Variants in HTT observed in about 807,000 individuals in gnomAD.
HTT encodes huntington disease protein.
In HTT, 104 loss-of-function variants were observed where a neutral mutation model predicts 362.3. That is an observed-to-expected ratio of 0.29 (90% CI 0.24 to 0.34). The LOEUF is 0.34. Ranked by LOEUF, HTT falls within the 10% of genes least tolerant of loss-of-function variation. HTT has a pLI of 1.00. For synonymous variants in HTT, 1,577 were observed against 1,548.7 expected, an observed-to-expected ratio of 1.02 and a Z score of -0.43; for missense variants, 3,301 against 3,928.6, an observed-to-expected ratio of 0.84 and a Z score of 4.27.
At chr4:3,121,978 G>C (rs946341318) in intron 9 of HTT, among the ~76,000 whole-genome samples, 3 of 152,236 alleles carry the variant, frequency 2.0e-5, no homozygotes, top group Non-Finnish European at 4.4e-5. Context: ...GCTGCCTCCT[G>C]TGGCATTTTA....
In HTT at chr4:3,203,985, A is replaced by G. The variant is rs373690630; in HGVS notation, c.5577-22A>G. The G allele has an allele frequency of 1.5e-5, 24 of 1,611,546 alleles. No individual in the cohort carries two copies. The East Asian group carries it at 2.2e-4, about 15-fold the overall frequency. ...TCACTGCCATCCAGAAACATTGTCA[A>G]TGCATCTGTTGCTCCTTCTAGAAGA... is the stretch of plus-strand genomic sequence containing the variant. On this transcript the variant is annotated intron_variant, in intron 41 of 66. Transcript: ENST00000355072.
chr4:3,186,252 G>A (rs550219325), intron 37 of HTT, among the ~76,000 whole-genome samples: 3 of 152,260 alleles, frequency 2.0e-5, no homozygotes, highest in African/African-American at 7.2e-5. Flanking sequence ...AGGGACGCTT[G>A]GAAGACTGGT....
Position 3,180,518 on chromosome 4 carries a change from TACC to T in HTT, c.4617_4619del (p.Ile1539_Pro1540delinsMet). The T allele has an allele frequency of 6.2e-7, 1 of 1,601,876 alleles. No individual in the cohort carries two copies. The highest frequency in any genetic ancestry group is 8.5e-7 in the Non-Finnish European group (1 of 1,174,384). On this transcript the variant is annotated inframe_deletion, in exon 36 of 67. Coordinates refer to ENST00000355072, the MANE Select transcript of HTT (RefSeq NM_001388492.1). ...GGGTACCCTTTTGTCCCCACAGCCA[TACC>T]GGCTCTGCAGCCCATAGTCCACGAC...
chr4:3,142,438 A>G (rs1485724131), intron 22 of HTT, among the ~76,000 whole-genome samples: 3 of 152,128 alleles, frequency 2.0e-5, no homozygotes, highest in Admixed American at 6.5e-5. Context: ...GCCGTGGGAG[A>G]TGAGAAGTGG....
At chr4:3,203,749 T>TG (rs1208500232) in intron 41 of HTT, among the ~76,000 whole-genome samples, 1 of 152,244 alleles carries the variant, frequency 6.6e-6, no homozygotes, top group Non-Finnish European at 1.5e-5. Context: ...AGCTTTATGG[T>TG]GGATTTTGCT....
chr4:3,233,947 G>A (rs1721392827), intron 61 of HTT, among the ~76,000 whole-genome samples: 1 of 152,240 alleles, frequency 6.6e-6, no homozygotes, highest in South Asian at 2.1e-4. Context: ...GCAGAGATGG[G>A]CCCAGCCTCT....
intron 65 of HTT, 69 bp from the exon 66 acceptor site, chr4:3,238,749 C>T (rs1721662692): frequency 6.0e-6 from 7 of 1,168,660 alleles, no homozygotes; most frequent in South Asian, 4.6e-5. Flanking sequence ...CCACCCCCGC[C>T]ACCCAGGCGC....
chr4:3,145,787 A>G (rs966875091), intron 24 of HTT, among the ~76,000 whole-genome samples: 7 of 152,220 alleles, frequency 4.6e-5, no homozygotes, highest in African/African-American at 1.7e-4. Flanking sequence ...TTTGAGAAGT[A>G]AACCTGCAGA....
At position 3,187,812 on chromosome 4, in the gene HTT, G is replaced by T. The variant is rs762607326; in HGVS notation, c.5151G>T (p.Gly1717=). ...CAGTAATTAATAGGTTAAGAGATGG[G>T]GACAGTACTTCAACGCTAGAAGAAC... ...SCTVINRLRD[G]DSTSTLEEHS... is the part of the protein sequence containing the mutation. The change falls in exon 39 of 67, where the codon GGG becomes GGT. Residue 1717 remains glycine, a synonymous_variant. Transcript: ENST00000355072. The T allele has an allele frequency of 6.2e-7, 1 of 1,613,432 alleles. No homozygotes were observed. Among genetic ancestry groups the T allele is most frequent in the Non-Finnish European group, 8.5e-7 (1 of 1,179,424 alleles).
intron 36 of HTT, 134 bp from the exon 37 acceptor site, chr4:3,182,219 CT>C (rs1245274537): frequency 4.9e-6 from 3 of 615,792 alleles, no homozygotes; most frequent in South Asian, 2.0e-5. Flanking sequence ...TAGTGTCCCC[CT>C]GTCCTCGCTG....
At position 3,241,876 on chromosome 4, in the gene HTT, G is replaced by A. The variant is rs1236168527; in HGVS notation, c.*1817G>A. On this transcript the variant is annotated 3_prime_UTR_variant, in exon 67 of 67. Transcript: ENST00000355072. Reference sequence around the variant, plus strand: ...TCCTCGTGGCGGGGCAGCAGGAGCGGTAGAAAGGGGTCCGATGTTTGAGGA... The same window carrying A: ...TCCTCGTGGCGGGGCAGCAGGAGCGATAGAAAGGGGTCCGATGTTTGAGGA... The A allele has an allele frequency of 6.6e-6, 1 of 152,228 alleles. No homozygotes were observed. The highest frequency in any genetic ancestry group is 1.5e-5 in the Non-Finnish European group (1 of 68,050). 9.4% of individuals were successfully genotyped at this position (152,228 alleles called of 1,614,324 possible). A position where few individuals can be genotyped will look rare whatever the true frequency, so the allele number is the denominator to read the frequency against.
intron 3 of HTT, among the ~76,000 whole-genome samples, chr4:3,101,653 C>T (rs962410227): frequency 2.0e-5 from 3 of 152,230 alleles, no homozygotes; most frequent in Non-Finnish European, 2.9e-5. Flanking sequence ...AGAAAATGGG[C>T]ACATTTTGCA....
chr4:3,112,219 A>C (rs1714791517), intron 6 of HTT, among the ~76,000 whole-genome samples: 1 of 152,104 alleles, frequency 6.6e-6, no homozygotes, highest in African/African-American at 2.4e-5. Flanking sequence ...CCTCTGGTTT[A>C]TTCTTATTCT....
At chr4:3,238,730 G>GGGCC in intron 65 of HTT, 88 bp from the exon 66 acceptor site, 329 of 1,096,558 alleles carry the variant, frequency 3.0e-4, no homozygotes, top group Non-Finnish European at 4.0e-4. Context: ...AATGCCTCTG[G>GGGCC]CCCCCACCCC....
chr4:3,216,869 C>CA (rs1720425832), intron 51 of HTT, among the ~76,000 whole-genome samples: 1 of 151,760 alleles, frequency 6.6e-6, no homozygotes, highest in African/African-American at 2.4e-5. Context: ...ACTAAAAATA[C>CA]AAAAAATTAG....
intron 12 of HTT, chr4:3,129,701 T>C (rs1337295661): frequency 2.5e-6 from 1 of 399,822 alleles, no homozygotes; most frequent in Non-Finnish European, 4.4e-6. Context: ...TTTTGGAGTT[T>C]TTAGAGCTAA....
intron 42 of HTT, 141 bp downstream of exon 42, chr4:3,204,289 G>T: frequency 1.3e-6 from 1 of 756,176 alleles, no homozygotes. Context: ...AATCTAGAAT[G>T]AATGTTTACT....
intron 12 of HTT, chr4:3,128,511 T>A (rs10033437): frequency 4.6e-5 from 7 of 152,348 alleles, no homozygotes; most frequent in Admixed American, 1.3e-4. Flanking sequence ...TAATTATTTT[T>A]AAAAATCCTT....
At chr4:3,125,683 C>G in intron 11 of HTT, 54 bp downstream of exon 11, 1 of 1,254,770 alleles carries the variant, frequency 8.0e-7, no homozygotes, top group Non-Finnish European at 1.2e-6. Context: ...GCCTTCCACC[C>G]CTTGCCCTTC....
Sources: allele counts gnomAD v4.1 joint callset (sites outside exome capture counted in the v4.1 genomes callset), GRCh38; gene constraint gnomAD v4.1.1; transcripts MANE v1.5; gene names NCBI Gene and HGNC (gene_info 2026-07-23, HGNC 2026-07-21).